Variants in TMEM131 observed in about 807,000 individuals in gnomAD.
TMEM131 encodes the protein 2610524E03Rik.
TMEM131 carries 66 observed loss-of-function variants against 211.6 expected under a neutral mutation model. The observed-to-expected ratio is 0.31, with a 90% CI of 0.26 to 0.38. The LOEUF is 0.38. Among genes scored for constraint, TMEM131 ranks in the 10% least tolerant of loss-of-function variants. TMEM131 has a pLI of 1.00. For synonymous variants in TMEM131, 844 were observed against 841.3 expected (o/e 1.00, Z -0.06); for missense variants, 2,036 against 2,299.3 (o/e 0.89, Z 2.34).
At chr2:97,979,209 C>T (rs1443364659) in intron 1 of TMEM131, among the ~76,000 whole-genome samples, 1 of 152,210 alleles carries the variant, frequency 6.6e-6, no homozygotes, top group African/African-American at 2.4e-5. Context: ...TTATAAAGCA[C>T]AGGCAGAGTA....
intron 31 of TMEM131, among the ~76,000 whole-genome samples, chr2:97,778,831 T>C (rs1011898793): frequency 6.6e-6 from 1 of 152,184 alleles, no homozygotes; most frequent in Non-Finnish European, 1.5e-5. Flanking sequence ...GCTGACTCTA[T>C]CTTTGCTGGT....
In TMEM131 at chr2:97,927,451, C is replaced by G. The variant is rs766985459; in HGVS notation, c.224G>C (p.Arg75Pro). 5.0e-6 allele frequency: 8 copies of G among 1,587,824 alleles called. No homozygotes were observed. Among genetic ancestry groups the G allele is most frequent in the Admixed American group, 1.7e-5 (1 of 57,368 alleles). Residue 75 changes from arginine to proline, a missense_variant, in exon 2 of 41, where the codon CGT (arginine) becomes CCT (proline). Arg to Pro is a moderately radical substitution (Grantham distance 103). Transcript: ENST00000186436. Reference sequence around the variant, plus strand: ...CTGTAGTAGCCCTCCATCATCAAAACGCAGTACTTCTATTATGCTCTCTGA... The same window carrying G: ...CTGTAGTAGCCCTCCATCATCAAAAGGCAGTACTTCTATTATGCTCTCTGA... ...VQSESIIEVL[R>P]FDDGGLLQTE...
chr2:97,911,860 G>A (rs1043359343), intron 2 of TMEM131, among the ~76,000 whole-genome samples: 2 of 152,026 alleles, frequency 1.3e-5, no homozygotes, highest in Admixed American at 6.6e-5. Context: ...AGCAATTTGA[G>A]AAATAAAGGC....
intron 11 of TMEM131, among the ~76,000 whole-genome samples, chr2:97,825,496 C>T (rs529207409): frequency 2.2e-4 from 33 of 152,220 alleles, no homozygotes; most frequent in African/African-American, 7.5e-4. Context: ...TATGGATCCC[C>T]GGATACAGCA....
intron 3 of TMEM131, among the ~76,000 whole-genome samples, chr2:97,891,953 G>A (rs894258403): frequency 5.3e-5 from 8 of 152,108 alleles, no homozygotes; most frequent in Non-Finnish European, 1.2e-4. Flanking sequence ...AATAAGAGGT[G>A]GGGAAGGAAG....
At chr2:97,827,320 T>C in intron 11 of TMEM131, 3 of 791,674 alleles carry the variant, frequency 3.8e-6, no homozygotes, top group Non-Finnish European at 7.0e-6. Context: ...GGCGCGGTTG[T>C]CAGCTAAACC....
At chr2:97,766,073 G>C in intron 35 of TMEM131, 41 bp downstream of exon 35, 1 of 1,608,558 alleles carries the variant, frequency 6.2e-7, no homozygotes, top group Non-Finnish European at 8.5e-7. Flanking sequence ...GGTGGATTGT[G>C]GGTAAGTGGA....
At chr2:97,823,532 G>A (rs754240652) in intron 11 of TMEM131, among the ~76,000 whole-genome samples, 1 of 152,178 alleles carries the variant, frequency 6.6e-6, no homozygotes, top group Admixed American at 6.5e-5. Flanking sequence ...GATACCTGGT[G>A]TCTTAGCCAA....
At chr2:97,849,717 C>CTTTT (rs11320615) in intron 5 of TMEM131, among the ~76,000 whole-genome samples, 6 of 103,812 alleles carry the variant, frequency 5.8e-5, no homozygotes, top group South Asian at 3.0e-4. Context: ...CTCTCTCTCT[C>CTTTT]TTTTTTTTTT....
intron 31 of TMEM131, among the ~76,000 whole-genome samples, chr2:97,782,641 T>C (rs1680064727): frequency 6.6e-6 from 1 of 151,418 alleles, no homozygotes; most frequent in African/African-American, 2.4e-5. Context: ...AGCAAAGAAA[T>C]AGAAGCTAAA....
chr2:97,924,911 A>C (rs192309288), intron 2 of TMEM131, among the ~76,000 whole-genome samples: 1 of 152,028 alleles, frequency 6.6e-6, no homozygotes, highest in African/African-American at 2.4e-5. Context: ...ACAGGATCTC[A>C]CTCTGCTGCC....
At chr2:97,814,483 T>A in intron 13 of TMEM131, 95 bp from the exon 14 acceptor site, 1 of 1,181,284 alleles carries the variant, frequency 8.5e-7, no homozygotes, top group South Asian at 1.7e-5. Flanking sequence ...ATAATTTACA[T>A]TTAGCATTAG....
chr2:97,874,358 C>A (rs973497307), intron 4 of TMEM131, among the ~76,000 whole-genome samples: 3 of 152,168 alleles, frequency 2.0e-5, no homozygotes, highest in Admixed American at 2.0e-4. Context: ...CATTCAAATT[C>A]AGGAAATACA....
At chr2:97,801,994 A>G in intron 24 of TMEM131, 33 bp from the exon 25 acceptor site, 3 of 1,449,182 alleles carry the variant, frequency 2.1e-6, no homozygotes, top group Non-Finnish European at 2.9e-6. Flanking sequence ...ATTTATTCAT[A>G]AGCAACATCA....
intron 2 of TMEM131, among the ~76,000 whole-genome samples, chr2:97,924,635 C>G (rs1016584225): frequency 6.6e-6 from 1 of 152,174 alleles, no homozygotes; most frequent in African/African-American, 2.4e-5. Context: ...CAGGTGAGTT[C>G]GTTCCTGTAA....
chr2:97,848,986 T>TA (rs1380902591), intron 5 of TMEM131, among the ~76,000 whole-genome samples: 3 of 151,918 alleles, frequency 2.0e-5, no homozygotes, highest in African/African-American at 7.3e-5. Context: ...CAACTCAACT[T>TA]AAAAAACAGG....
At position 97,792,790 on chromosome 2, in the gene TMEM131, G is replaced by A; in HGVS notation, c.3740C>T (p.Thr1247Ile). Reference protein sequence around the residue: ...AKNSSSTSSRTSAQAASSQSA... With the variant: ...AKNSSSTSSRISAQAASSQSA... ...CTGTGAAGAAGCTGCTTGAGCAGAA[G>A]TCCTACTAGAGGTACTTGAACTGTT... The change falls in exon 31 of 41, where the codon ACT (threonine) becomes ATT (isoleucine). Residue 1247 changes from threonine (T) to isoleucine (I), a missense_variant. Around this residue, in one of 3 missense-constraint regions of TMEM131, gnomAD observed 1,623 missense variants for 1,805.9 expected, o/e 0.90. Transcript: ENST00000186436. The A allele has an allele frequency of 1.2e-6, 2 of 1,614,052 alleles. No homozygotes were observed. The highest frequency in any genetic ancestry group is 1.7e-6 in the Non-Finnish European group (2 of 1,179,890).
At chr2:97,983,492 T>C (rs1679890926) in intron 1 of TMEM131, among the ~76,000 whole-genome samples, 1 of 152,204 alleles carries the variant, frequency 6.6e-6, no homozygotes, top group Admixed American at 6.5e-5. Flanking sequence ...TGCAATTGTC[T>C]TGCTCAATTA....
At chr2:97,779,337 A>G (rs1320382934) in intron 31 of TMEM131, among the ~76,000 whole-genome samples, 2 of 152,360 alleles carry the variant, frequency 1.3e-5, no homozygotes, top group African/African-American at 4.8e-5. Flanking sequence ...AACCTGACTG[A>G]TAAGACTGGA....
Sources: allele counts gnomAD v4.1 joint callset (sites outside exome capture counted in the v4.1 genomes callset), GRCh38; gene constraint gnomAD v4.1.1; regional missense constraint gnomAD v4.1.1; transcripts MANE v1.5; gene names NCBI Gene and HGNC (gene_info 2026-07-23, HGNC 2026-07-21).